Variants in RBMX2 observed in about 807,000 individuals in gnomAD.
RBMX2 encodes the protein RNA-binding motif protein, X-linked 2.
For synonymous variants in RBMX2, 77 were observed against 94.3 expected (o/e 0.82, Z 1.07); for missense variants, 191 against 256.0 (o/e 0.75, Z 1.73).
chrX:130,407,719 A>G (rs1367936662), intron 3 of RBMX2, among the ~76,000 whole-genome samples: 1 of 106,269 alleles, frequency 9.4e-6, no homozygotes, highest in Admixed American at 1.0e-4. Flanking sequence ...GTGCAGTGGC[A>G]TGATCCTAGC....
At chrX:130,407,955 T>C (rs1276114325) in intron 3 of RBMX2, among the ~76,000 whole-genome samples, 2 of 111,404 alleles carry the variant, frequency 1.8e-5, no homozygotes, top group Non-Finnish European at 3.8e-5. Context: ...CCACCGTGCC[T>C]GATCTTTTTT....
intron 3 of RBMX2, among the ~76,000 whole-genome samples, chrX:130,404,662 C>A (rs953133659): frequency 3.6e-4 from 41 of 112,907 alleles, no homozygotes; most frequent in African/African-American, 1.3e-3. Flanking sequence ...CAAGCGAACA[C>A]CGGTAGCATA....
At chrX:130,412,143 G>T (rs1284040050) in intron 5 of RBMX2, among the ~76,000 whole-genome samples, 1 of 106,269 alleles carries the variant, frequency 9.4e-6, no homozygotes, top group Non-Finnish European at 1.9e-5. Flanking sequence ...AGCCAGGATG[G>T]TCTTGATCTC....
intron 3 of RBMX2, among the ~76,000 whole-genome samples, chrX:130,408,611 C>G (rs963980879): frequency 9.0e-6 from 1 of 110,916 alleles, no homozygotes; most frequent in Admixed American, 9.6e-5. Flanking sequence ...AACATTATAA[C>G]TGGAAACATG....
At position 130,409,270 on chromosome X, in the gene RBMX2, G is replaced by A. The variant is rs370942588; in HGVS notation, c.187G>A (p.Val63Ile). The change falls in exon 4 of 6, where the codon GTT becomes ATT. Residue 63 changes from valine to isoleucine, a missense_variant. Coordinates refer to ENST00000305536, the MANE Select transcript of RBMX2 (RefSeq NM_016024.4). ...TAAAATAAATAGATATGGGGAGATT[G>A]TTAACATTAATCTCGTGCGGGACAA... ...ICVFSQYGEI[V>I]NINLVRDKKT... 9 of 1,203,780 alleles carry A rather than the reference G, an allele frequency of 7.5e-6. No homozygotes were observed. The African/African-American group carries it at 1.4e-4, about 19-fold the overall frequency.
In RBMX2 at chrX:130,406,147, G is replaced by A. The variant is rs1257208390; in HGVS notation, c.173+2294G>A. On this transcript the variant is annotated intron_variant, in intron 3 of 5. Transcript: ENST00000305536. The stretch of plus-strand genomic sequence containing the variant: ...TGGGATTACAGGTGTGAGCCACCGC[G>A]CCCGGCCTGCTTTGCCTTTATTTCA... Among the ~76,000 whole-genome samples the A allele has an allele frequency of 8.8e-5, 6 of 68,487 alleles. 2 individuals are homozygous for A. Among genetic ancestry groups the A allele is most frequent in the East Asian group, 4.2e-4 (1 of 2,363 alleles). 59.5% of individuals were successfully genotyped at this position (68,487 alleles called of 115,157 possible). A position where few individuals can be genotyped will look rare whatever the true frequency, so the allele number is the denominator to read the frequency against.
chrX:130,406,440 G>A (rs1185434702), intron 3 of RBMX2, among the ~76,000 whole-genome samples: 2 of 109,529 alleles, frequency 1.8e-5, no homozygotes, highest in Non-Finnish European at 3.8e-5. Context: ...TTGGGAGGCC[G>A]AGGCAGGTGG....
chrX:130,412,352 A>T lies in RBMX2; in HGVS notation c.482-9A>T. ...TTCTTATTTACTGCTTCTTTCTTTT[A>T]TCCTCCAGACAAAAAGGAAAAAAAG... On this transcript the variant is annotated splice_polypyrimidine_tract_variant and intron_variant, in intron 5 of 5. Coordinates refer to ENST00000305536, the MANE Select transcript of RBMX2 (RefSeq NM_016024.4). The T allele has an allele frequency of 3.7e-6, 4 of 1,082,472 alleles. No homozygotes were observed. Among genetic ancestry groups the T allele is most frequent in the Non-Finnish European group, 4.8e-6 (4 of 828,557 alleles). The allele number at this position is 1,082,472 out of a possible 1,213,427, so 89.2% of individuals were successfully genotyped here. A position where few individuals can be genotyped will look rare whatever the true frequency, so the allele number is the denominator to read the frequency against.
chrX:130,412,627 G>C lies in RBMX2; in HGVS notation c.748G>C (p.Glu250Gln). Residue 250 changes from glutamate (E) to glutamine (Q), a missense_variant, in exon 6 of 6, where the codon GAG (glutamate) becomes CAG (glutamine). Coordinates refer to ENST00000305536, the MANE Select transcript of RBMX2 (RefSeq NM_016024.4). ...RELKKEKPKH[E>Q]HKSSSRREAR... Reference sequence around the variant, plus strand: ...GCTGAAGAAGGAGAAACCCAAGCACGAGCACAAGTCCTCAAGCAGGAGGGA... The same window carrying C: ...GCTGAAGAAGGAGAAACCCAAGCACCAGCACAAGTCCTCAAGCAGGAGGGA... 8.3e-7 allele frequency: 1 copy of C among 1,209,560 alleles called. No homozygotes were observed. Among genetic ancestry groups the C allele is most frequent in the Non-Finnish European group, 1.1e-6 (1 of 894,992 alleles).
rs2034496104 is a variant in RBMX2 at position 130,408,416 on chromosome X, T to C, written c.174-841T>C. Among the ~76,000 whole-genome samples the C allele has an allele frequency of 2.7e-5, 3 of 112,647 alleles. No individual in the cohort carries two copies. In the South Asian group the frequency reaches 1.1e-3, roughly 41 times the overall value. ...TTTTAAAATTACAAATTTTCCTGAG[T>C]ATGACGTTAGCCACATTTCATAAGT... On this transcript the variant is annotated intron_variant, in intron 3 of 5. Coordinates refer to ENST00000305536, the MANE Select transcript of RBMX2 (RefSeq NM_016024.4).
At position 130,411,380 on chromosome X, in the gene RBMX2, G is replaced by T; in HGVS notation, c.336G>T (p.Val112=). ...GAAGAACTATCCGAGTGGATCATGT[G>T]TCTAACTATCGGGCTCCTAAGGACT... ...IKGRTIRVDH[V]SNYRAPKDSE... is the part of the protein sequence containing the mutation. The change falls in exon 5 of 6, where the codon GTG becomes GTT. Residue 112 remains valine, a synonymous_variant. Coordinates refer to ENST00000305536, the MANE Select transcript of RBMX2 (RefSeq NM_016024.4). The T allele has an allele frequency of 8.3e-7, 1 of 1,202,555 alleles. No homozygotes were observed.
rs983539047 is a variant in RBMX2, at chrX:130,413,041, G to T, written c.*193G>T. ...CTGGATATTGTTTGCACCATCCATT[G>T]TCCCTGTACCAGAGTATGTATCCTG... On this transcript the variant is annotated 3_prime_UTR_variant, in exon 6 of 6. Transcript: ENST00000305536. 2 of 412,670 alleles carry T rather than the reference G, an allele frequency of 4.8e-6. No homozygotes were observed. Among genetic ancestry groups the T allele is most frequent in the Non-Finnish European group, 8.1e-6 (2 of 247,439 alleles). The allele number at this position is 412,670 out of a possible 1,213,427, so 34.0% of individuals were successfully genotyped here.
chrX:130,410,054 G>T (rs187915291), intron 4 of RBMX2, among the ~76,000 whole-genome samples: 3 of 111,870 alleles, frequency 2.7e-5, no homozygotes, highest in East Asian at 2.8e-4. Flanking sequence ...CAGAGTTGGT[G>T]GGGGGAGGCT....
chrX:130,402,390 TC>T lies in RBMX2; in HGVS notation c.121+22del. 8.3e-7 allele frequency: 1 copy of T among 1,200,174 alleles called. No homozygotes were observed. Among genetic ancestry groups the T allele is most frequent in the Non-Finnish European group, 1.1e-6 (1 of 889,696 alleles). On this transcript the variant is annotated intron_variant, in intron 2 of 5. Coordinates refer to ENST00000305536, the MANE Select transcript of RBMX2 (RefSeq NM_016024.4). The stretch of plus-strand genomic sequence containing the variant: ...TCCTGGGTGAGGTCCACATCTTTCT[TC>T]CTCAGTGCTCTCCAGATTCTCCTGC...
chrX:130,404,535 T>C (rs750145050), intron 3 of RBMX2: 4 of 112,709 alleles, frequency 3.5e-5, no homozygotes, highest in Non-Finnish European at 7.5e-5. Context: ...CTAGAGGACC[T>C]TGGCACAGGT....
At chrX:130,412,309 C>G in intron 5 of RBMX2, 52 bp from the exon 6 acceptor site, 1 of 1,001,626 alleles carries the variant, frequency 1.0e-6, no homozygotes, top group Non-Finnish European at 1.3e-6. Context: ...TAAGGGAGTT[C>G]TTTTATTTTT....
intron 3 of RBMX2, 157 bp downstream of exon 3, chrX:130,404,010 A>G: frequency 1.9e-6 from 1 of 516,045 alleles, no homozygotes; most frequent in Non-Finnish European, 3.4e-6. Context: ...CAGTCCCAGG[A>G]CATGGTTCTA....
intron 2 of RBMX2, 93 bp from the exon 3 acceptor site, chrX:130,403,709 A>T: frequency 2.4e-6 from 2 of 827,147 alleles, no homozygotes; most frequent in Non-Finnish European, 3.6e-6. Flanking sequence ...CCTGTTGCTT[A>T]CTGTTTCCAC....
intron 3 of RBMX2, 62 bp from the exon 4 acceptor site, chrX:130,409,195 C>T (rs755303120): frequency 6.4e-5 from 66 of 1,030,021 alleles, no homozygotes; most frequent in Middle Eastern, 3.7e-4. Flanking sequence ...TGTTTTATTA[C>T]CTTATCTGCA....
Sources: allele counts gnomAD v4.1 joint callset (sites outside exome capture counted in the v4.1 genomes callset), GRCh38; gene constraint gnomAD v4.1.1; transcripts MANE v1.5; gene names NCBI Gene and HGNC (gene_info 2026-07-23, HGNC 2026-07-21).